NFIB: variants seen among roughly 807,000 people sequenced by gnomAD.
NFIB encodes the protein nuclear factor I B.
Under a neutral mutation model 61.5 loss-of-function variants are expected in NFIB, and 11 were observed. That is an observed-to-expected ratio of 0.18 (90% CI 0.11 to 0.30). NFIB has a LOEUF of 0.30. Among genes scored for constraint, NFIB ranks in the 10% least tolerant of loss-of-function variants. The probability of loss-of-function intolerance (pLI) is 1.00; values close to 1 mark genes in which losing one functional copy is unlikely to be tolerated. For missense variants in NFIB, 471 were observed against 608.9 expected (o/e 0.77, Z 2.38); for synonymous variants, 260 against 216.5 (o/e 1.20, Z -1.76).
chr9:14,519,287 A>G, the NFIB span, among the ~76,000 whole-genome samples: 2 of 152,194 alleles, frequency 1.3e-5, no homozygotes, highest in East Asian at 3.9e-4. Flanking sequence ...GAGAGGAAAT[A>G]TAATGCTAAG....
chr9:14,214,735 A>T (rs1292874527), intron 2 of NFIB, among the ~76,000 whole-genome samples: 1 of 152,052 alleles, frequency 6.6e-6, no homozygotes, highest in Non-Finnish European at 1.5e-5. Context: ...CTCTGTTTCT[A>T]TTTTCTTGGT....
chr9:14,198,894 T>C (rs933408276), intron 2 of NFIB, among the ~76,000 whole-genome samples: 2 of 152,188 alleles, frequency 1.3e-5, no homozygotes, highest in African/African-American at 4.8e-5. Context: ...CTCCCTGCCA[T>C]GTGATGCACC....
At chr9:14,457,439 C>A in the NFIB span, among the ~76,000 whole-genome samples, 5 of 152,006 alleles carry the variant, frequency 3.3e-5, no homozygotes, top group East Asian at 9.6e-4. Flanking sequence ...ACCCTAACAT[C>A]ACAATTAAAA....
At chr9:14,171,861 A>T (rs2045599492) in intron 3 of NFIB, among the ~76,000 whole-genome samples, 1 of 152,220 alleles carries the variant, frequency 6.6e-6, no homozygotes, top group South Asian at 2.1e-4. Flanking sequence ...AAAGGTAAAC[A>T]TCTAGGAGAA....
chr9:14,348,435 A>G (rs923273058), intron 1 of NFIB, among the ~76,000 whole-genome samples: 4 of 152,018 alleles, frequency 2.6e-5, no homozygotes, highest in African/African-American at 9.7e-5. Context: ...GGCTCACGCT[A>G]TTTCGGGAGA....
the NFIB span, among the ~76,000 whole-genome samples, chr9:14,495,473 G>C: frequency 1.6e-5 from 1 of 62,008 alleles, no homozygotes; most frequent in Non-Finnish European, 2.7e-5. Context: ...TTGTCTGAGA[G>C]ACAGAGTTAG....
At chr9:14,515,353 G>A in the NFIB span, among the ~76,000 whole-genome samples, 1 of 152,308 alleles carries the variant, frequency 6.6e-6, no homozygotes. Flanking sequence ...ACCTTCTGCA[G>A]ACCTGAGCTC....
chr9:14,147,896 C>A (rs889706545), intron 5 of NFIB, among the ~76,000 whole-genome samples: 7 of 152,014 alleles, frequency 4.6e-5, no homozygotes, highest in Non-Finnish European at 1.0e-4. Context: ...CCCACTTCAG[C>A]CTCCCAAAGT....
intron 3 of NFIB, among the ~76,000 whole-genome samples, chr9:14,169,234 A>G (rs1456944893): frequency 6.6e-6 from 1 of 152,146 alleles, no homozygotes; most frequent in Non-Finnish European, 1.5e-5. Context: ...GATGATTTTA[A>G]TAAGATCAAA....
At chr9:14,531,687 T>A in the NFIB span, among the ~76,000 whole-genome samples, 7 of 144,468 alleles carry the variant, frequency 4.8e-5, no homozygotes, top group South Asian at 4.5e-4. Context: ...CATTTTTCTT[T>A]AAAAAAAAAA....
At chr9:14,394,826 C>A (rs2061663716) in intron 1 of NFIB, among the ~76,000 whole-genome samples, 1 of 152,176 alleles carries the variant, frequency 6.6e-6, no homozygotes, top group South Asian at 2.1e-4. Context: ...CAGCTGCCTT[C>A]TCTGTACAAT....
intron 1 of NFIB, among the ~76,000 whole-genome samples, chr9:14,382,331 G>GAGGC (rs1310027532): frequency 2.0e-5 from 3 of 150,244 alleles, no homozygotes; most frequent in East Asian, 1.9e-4. Flanking sequence ...CGGCACCAGG[G>GAGGC]AGGCAGAAAG....
chr9:14,284,144 T>A (rs916257098), intron 2 of NFIB, among the ~76,000 whole-genome samples: 1 of 152,196 alleles, frequency 6.6e-6, no homozygotes, highest in Admixed American at 6.5e-5. Flanking sequence ...TAACCTCAAT[T>A]TCTTTATCTA....
At chr9:14,228,844 T>C (rs374677025) in intron 2 of NFIB, among the ~76,000 whole-genome samples, 1 of 152,134 alleles carries the variant, frequency 6.6e-6, no homozygotes, top group Admixed American at 6.6e-5. Flanking sequence ...CAAAACTAAT[T>C]TAATGCCATG....
At chr9:14,236,073 TA>T (rs755872127) in intron 2 of NFIB, among the ~76,000 whole-genome samples, 2 of 152,192 alleles carry the variant, frequency 1.3e-5, no homozygotes, top group Non-Finnish European at 2.9e-5. Flanking sequence ...GCATTGATCA[TA>T]ACACAATAAT....
chr9:14,343,652 G>A (rs575540074), intron 1 of NFIB, among the ~76,000 whole-genome samples: 40 of 152,170 alleles, frequency 2.6e-4, no homozygotes, highest in African/African-American at 7.5e-4. Context: ...GCAAAAGTGT[G>A]TACAGTATTT....
At chr9:14,399,566 G>A (rs938205530), upstream of NFIB, among the ~76,000 whole-genome samples, 7 of 152,106 alleles carry the variant, frequency 4.6e-5, 1 homozygote, top group Middle Eastern at 6.8e-3. Flanking sequence ...AATTTTTAAC[G>A]TTGCAAAGAA....
intron 2 of NFIB, among the ~76,000 whole-genome samples, chr9:14,298,357 C>T (rs1173158453): frequency 6.6e-6 from 1 of 152,052 alleles, no homozygotes; most frequent in Non-Finnish European, 1.5e-5. Context: ...TTTATCGTAG[C>T]AGCTGAAAAT....
chr9:14,387,425 T>G (rs558354491), intron 1 of NFIB, among the ~76,000 whole-genome samples: 2 of 152,160 alleles, frequency 1.3e-5, no homozygotes, highest in African/African-American at 4.8e-5. Context: ...TAAAGTTAAA[T>G]GTAAGCCAGG....
Sources: allele counts gnomAD v4.1 joint callset (sites outside exome capture counted in the v4.1 genomes callset), GRCh38; gene constraint gnomAD v4.1.1; transcripts MANE v1.5; gene names NCBI Gene and HGNC (gene_info 2026-07-23, HGNC 2026-07-21).